GPC3: variants seen among roughly 807,000 people sequenced by gnomAD.
GPC3 encodes glypican 3, also known as glypican-3.
In GPC3, 3 loss-of-function variants were observed where a neutral mutation model predicts 34.4. The ratio of observed to expected loss-of-function variants is 0.09; its 90% confidence interval spans 0.04 to 0.23. The LOEUF (loss-of-function observed/expected upper bound fraction) is 0.23, where lower values mean the gene tolerates loss of function less well. GPC3 is among the 10% of genes least tolerant of loss of function. GPC3 has a pLI of 1.00. For missense variants in GPC3, 351 were observed against 445.6 expected (o/e 0.79, Z 1.91); for synonymous variants, 177 against 174.0 (o/e 1.02, Z -0.13).
chrX:133,922,953 C>T (rs895237529), intron 2 of GPC3, among the ~76,000 whole-genome samples: 5 of 110,943 alleles, frequency 4.5e-5, no homozygotes, highest in African/African-American at 9.8e-5. Context: ...ATTTTAAAGA[C>T]GGGGAACATG....
At chrX:133,562,292 C>T (rs1021941764) in intron 7 of GPC3, among the ~76,000 whole-genome samples, 5 of 111,431 alleles carry the variant, frequency 4.5e-5, no homozygotes, top group Admixed American at 2.9e-4. Flanking sequence ...TTAGAGGTAT[C>T]AGGTTCTCAT....
chrX:133,729,373 C>T (rs1010218307), intron 3 of GPC3, among the ~76,000 whole-genome samples: 2 of 111,720 alleles, frequency 1.8e-5, no homozygotes, highest in Non-Finnish European at 3.8e-5. Flanking sequence ...CAGACCCTTC[C>T]CTCACCCCTT....
chrX:133,794,670 G>C lies in GPC3; in HGVS notation c.338-40494C>G, dbSNP rs764396828. Reference sequence around the variant, plus strand: ...ACTACCATCAATTGGGGTTGTAAACGTGCCTTCACAACCGCCTCACATGAT... The same window carrying C: ...ACTACCATCAATTGGGGTTGTAAACCTGCCTTCACAACCGCCTCACATGAT... On this transcript the variant is annotated intron_variant, in intron 2 of 7. Transcript: ENST00000370818. Among the ~76,000 whole-genome samples the C allele has an allele frequency of 5.4e-5, 6 of 111,845 alleles. No individual in the cohort carries two copies. The South Asian group carries it at 1.1e-3, about 21-fold the overall frequency.
At position 133,878,774 on chromosome X, in the gene GPC3, C is replaced by T. The variant is rs761842732; in HGVS notation, c.337+74276G>A. 1.5e-3 allele frequency among the ~76,000 whole-genome samples: 166 copies of T among 111,670 alleles called. 1 individual carries two copies. The highest frequency in any genetic ancestry group is 2.9e-3 in the Admixed American group (30 of 10,486). On this transcript the variant is annotated intron_variant, in intron 2 of 7. Coordinates refer to ENST00000370818, the MANE Select transcript of GPC3 (RefSeq NM_004484.4). ...CCAGTTAGATACACAGCTAAAATGT[C>T]CAGTTGTCTTGGGAGTCAAATAAGG...
At chrX:133,601,436 C>G (rs1400133150) in intron 6 of GPC3, among the ~76,000 whole-genome samples, 1 of 111,701 alleles carries the variant, frequency 9.0e-6, no homozygotes, top group Non-Finnish European at 1.9e-5. Flanking sequence ...TCTCCCTAAA[C>G]CTCAGTGTCC....
Position 133,657,214 on chromosome X carries a change from T to G in GPC3, c.1413+4516A>C, listed in dbSNP as rs1285870092. ...TGGATAGATTTTTCCTTGGGAACAA[T>G]AAGTCCTGTAGCAGTTTAGGGACTA... is the stretch of plus-strand genomic sequence containing the variant. On this transcript the variant is annotated intron_variant, in intron 6 of 7. Coordinates refer to ENST00000370818, the MANE Select transcript of GPC3 (RefSeq NM_004484.4). 6.2e-5 allele frequency among the ~76,000 whole-genome samples: 7 copies of G among 112,016 alleles called. No homozygotes were observed. The Admixed American group carries it at 6.7e-4, about 11-fold the overall frequency.
intron 3 of GPC3, among the ~76,000 whole-genome samples, chrX:133,737,830 T>A (rs1183392550): frequency 1.1e-4 from 12 of 112,407 alleles, no homozygotes; most frequent in Non-Finnish European, 2.3e-4. Context: ...TGAGACATAA[T>A]GTTTTTCTAT....
At position 133,617,956 on chromosome X, in the gene GPC3, T is replaced by C. The variant is rs17324454; in HGVS notation, c.1414-21357A>G. 3.2e-3 allele frequency among the ~76,000 whole-genome samples: 361 copies of C among 111,810 alleles called. 3 individuals carry two copies. The highest frequency in any genetic ancestry group is 0.025 in the Admixed American group (266 of 10,446). On this transcript the variant is annotated intron_variant, in intron 6 of 7. Transcript: ENST00000370818. ...TTTAAAATGATTTCATTTATGTGTGTGAACCGAAACATTTTGAAAATACTA... is the reference window on the plus strand; with the variant it reads ...TTTAAAATGATTTCATTTATGTGTGCGAACCGAAACATTTTGAAAATACTA...
At chrX:133,621,879 A>G (rs900752670) in intron 6 of GPC3, among the ~76,000 whole-genome samples, 1 of 112,400 alleles carries the variant, frequency 8.9e-6, no homozygotes, top group Non-Finnish European at 1.9e-5. Flanking sequence ...ATCCCCAAGT[A>G]GCCTAACTGG....
chrX:133,759,470 A>T lies in GPC3; in HGVS notation c.338-5294T>A, dbSNP rs1295488809. 2.7e-5 allele frequency among the ~76,000 whole-genome samples: 3 copies of T among 112,044 alleles called. No individual in the cohort carries two copies. The East Asian group carries it at 8.3e-4, about 31-fold the overall frequency. On this transcript the variant is annotated intron_variant, in intron 2 of 7. Transcript: ENST00000370818. ...GAAATAGACCCACACAAATACAATA[A>T]TCAACTGATCTTTGACAAAAGAGCA...
chrX:133,535,985 T>A lies in GPC3; in HGVS notation c.*139A>T. The A allele has an allele frequency of 2.1e-6, 1 of 476,054 alleles. No homozygotes were observed. Among genetic ancestry groups the A allele is most frequent in the Non-Finnish European group, 3.6e-6 (1 of 276,529 alleles). The allele number at this position is 476,054 out of a possible 1,213,427, so 39.2% of individuals were successfully genotyped here. ...TGATTTTCGAAAACATAACACATGG[T>A]TAGTCCTCTACTTCATGGCTGGAGG... On this transcript the variant is annotated 3_prime_UTR_variant, in exon 8 of 8. Transcript: ENST00000370818.
At chrX:133,545,904 A>G (rs1471120680) in intron 7 of GPC3, among the ~76,000 whole-genome samples, 1 of 105,473 alleles carries the variant, frequency 9.5e-6, no homozygotes, top group Non-Finnish European at 1.9e-5. Context: ...TCAATGGACT[A>G]TTAGCCAAAA....
At chrX:133,849,084 C>CTTTTTT (rs60339728) in intron 2 of GPC3, among the ~76,000 whole-genome samples, 4 of 46,273 alleles carry the variant, frequency 8.6e-5, no homozygotes, top group African/African-American at 9.8e-5. Flanking sequence ...ACTAAAGTTT[C>CTTTTTT]TTTTTTTTTT....
chrX:133,981,477 C>G (rs1385760016), intron 1 of GPC3, among the ~76,000 whole-genome samples: 5 of 112,263 alleles, frequency 4.5e-5, no homozygotes, highest in African/African-American at 1.6e-4. Flanking sequence ...TATCAGGATT[C>G]GTGTACTATT....
In GPC3 at chrX:133,763,495, C is replaced by T. The variant is rs2071817921; in HGVS notation, c.338-9319G>A. ...GGAATTTCAAAGTGAATGGACTGCTCCAGCTCCTGAGTTCACTGCTACTCA... is the reference window on the plus strand; with the variant it reads ...GGAATTTCAAAGTGAATGGACTGCTTCAGCTCCTGAGTTCACTGCTACTCA... On this transcript the variant is annotated intron_variant, in intron 2 of 7. Transcript: ENST00000370818. The T allele has an allele frequency of 1.5e-5, 8 of 545,914 alleles. No individual in the cohort carries two copies. The South Asian group carries it at 1.8e-4, about 12-fold the overall frequency. The allele number at this position is 545,914 out of a possible 1,213,427, so 45.0% of individuals were successfully genotyped here. A position where few individuals can be genotyped will look rare whatever the true frequency, so the allele number is the denominator to read the frequency against.
chrX:133,647,290 G>A (rs746979415), intron 6 of GPC3, among the ~76,000 whole-genome samples: 3 of 112,675 alleles, frequency 2.7e-5, no homozygotes, highest in Non-Finnish European at 5.6e-5. Flanking sequence ...AAGAGCTGAA[G>A]ATACGGTGGT....
chrX:133,929,288 G>A (rs760222823), intron 2 of GPC3, among the ~76,000 whole-genome samples: 33 of 111,863 alleles, frequency 3.0e-4, no homozygotes, highest in Non-Finnish European at 5.3e-4. Context: ...TCTTGATTCT[G>A]TTCCACTGGT....
intron 6 of GPC3, among the ~76,000 whole-genome samples, chrX:133,641,528 A>G (rs2070481464): frequency 9.0e-6 from 1 of 110,792 alleles, no homozygotes; most frequent in African/African-American, 3.3e-5. Context: ...AAAAGAAAAC[A>G]AAAGGTAGAG....
chrX:133,595,088 A>G (rs2069897942), intron 7 of GPC3, among the ~76,000 whole-genome samples: 1 of 110,917 alleles, frequency 9.0e-6, no homozygotes, highest in Admixed American at 9.6e-5. Flanking sequence ...AAAGAGGGAG[A>G]GTAGATAAGA....
Sources: allele counts gnomAD v4.1 joint callset (sites outside exome capture counted in the v4.1 genomes callset), GRCh38; gene constraint gnomAD v4.1.1; transcripts MANE v1.5; gene names NCBI Gene and HGNC (gene_info 2026-07-23, HGNC 2026-07-21).